The following PTPRD variants were observed in gnomAD, a reference collection of about 807,000 sequenced individuals.
PTPRD encodes protein tyrosine phosphatase receptor type D.
PTPRD carries 34 observed loss-of-function variants against 214.5 expected under a neutral mutation model. That is an observed-to-expected ratio of 0.16 (90% CI 0.12 to 0.21). PTPRD has a LOEUF of 0.21. Ranked by LOEUF, PTPRD falls within the 10% of genes least tolerant of loss-of-function variation. The pLI is 1.00. For missense variants in PTPRD, 2,545 were observed against 2,398.7 expected, an observed-to-expected ratio of 1.06 and a Z score of -1.27; for synonymous variants, 1,128 against 845.7, an observed-to-expected ratio of 1.33 and a Z score of -5.79.
At chr9:9,392,375 G>A (rs954165272) in intron 9 of PTPRD, among the ~76,000 whole-genome samples, 1 of 152,170 alleles carries the variant, frequency 6.6e-6, no homozygotes, top group African/African-American at 2.4e-5. Context: ...AACAGCAGAA[G>A]TCTTAGCTTT....
At chr9:8,872,268 T>G (rs1365686496) in intron 11 of PTPRD, among the ~76,000 whole-genome samples, 1 of 152,172 alleles carries the variant, frequency 6.6e-6, no homozygotes. Context: ...ATTATCTTTG[T>G]GCTAGCAGAG....
At chr9:9,041,659 T>C (rs1472076713) in intron 10 of PTPRD, among the ~76,000 whole-genome samples, 1 of 152,122 alleles carries the variant, frequency 6.6e-6, no homozygotes, top group Non-Finnish European at 1.5e-5. Context: ...AATGAGTAAA[T>C]ACATTCACAA....
intron 2 of PTPRD, among the ~76,000 whole-genome samples, chr9:10,574,868 A>G (rs2068700841): frequency 6.7e-6 from 1 of 149,800 alleles, no homozygotes; most frequent in Admixed American, 6.7e-5. Flanking sequence ...TTTAAAAATA[A>G]TTACCTAAAG....
At chr9:9,405,684 C>T (rs2073012726) in intron 8 of PTPRD, among the ~76,000 whole-genome samples, 1 of 151,986 alleles carries the variant, frequency 6.6e-6, no homozygotes, top group Non-Finnish European at 1.5e-5. Context: ...AAAGCATGCT[C>T]TCTAGAAGAC....
intron 11 of PTPRD, among the ~76,000 whole-genome samples, chr9:8,834,056 T>G (rs1249503818): frequency 6.6e-6 from 1 of 152,072 alleles, no homozygotes; most frequent in African/African-American, 2.4e-5. Context: ...TAATGCCTAG[T>G]CTTTTTCACT....
chr9:10,032,790 C>T (rs529112223), intron 4 of PTPRD, among the ~76,000 whole-genome samples: 1 of 152,066 alleles, frequency 6.6e-6, no homozygotes, highest in East Asian at 1.9e-4. Flanking sequence ...TATTAATTTC[C>T]ATACATGACT....
At chr9:9,384,518 A>T (rs1420945172) in intron 9 of PTPRD, among the ~76,000 whole-genome samples, 4 of 151,276 alleles carry the variant, frequency 2.6e-5, no homozygotes, top group Non-Finnish European at 4.4e-5. Context: ...CTACATTTTT[A>T]TTTAACTTGT....
At chr9:10,061,414 C>T (rs758699576) in intron 3 of PTPRD, among the ~76,000 whole-genome samples, 2 of 152,076 alleles carry the variant, frequency 1.3e-5, no homozygotes, top group African/African-American at 4.8e-5. Context: ...AGCATTTATA[C>T]TGTTCTTCCA....
chr9:10,344,548 T>C (rs905773381), intron 2 of PTPRD, among the ~76,000 whole-genome samples: 11 of 152,176 alleles, frequency 7.2e-5, no homozygotes, highest in Non-Finnish European at 1.3e-4. Flanking sequence ...TTAAAGTAGT[T>C]TTTTTCCAAT....
intron 8 of PTPRD, among the ~76,000 whole-genome samples, chr9:9,487,050 T>C (rs1022347772): frequency 2.0e-5 from 3 of 152,166 alleles, no homozygotes; most frequent in Admixed American, 2.0e-4. Context: ...CAGTCATTAC[T>C]CATTTTCTTT....
chr9:9,322,983 C>A (rs761438299), intron 9 of PTPRD, among the ~76,000 whole-genome samples: 4 of 151,988 alleles, frequency 2.6e-5, no homozygotes, highest in Admixed American at 1.3e-4. Context: ...ATATATAAAC[C>A]TTCCAAGAAA....
intron 11 of PTPRD, among the ~76,000 whole-genome samples, chr9:8,926,919 C>G (rs1025870173): frequency 2.6e-5 from 4 of 152,062 alleles, no homozygotes; most frequent in Non-Finnish European, 5.9e-5. Flanking sequence ...ATCATTTGAG[C>G]CCAGGGAATA....
intron 11 of PTPRD, among the ~76,000 whole-genome samples, chr9:8,827,060 C>T (rs10739173): frequency 0.57 from 86,668 of 151,448 alleles, 25,647 homozygotes; most frequent in African/African-American, 0.73. Context: ...CACACACACA[C>T]ACTACACACA....
intron 8 of PTPRD, among the ~76,000 whole-genome samples, chr9:9,544,100 G>T (rs1349727633): frequency 6.6e-6 from 1 of 151,340 alleles, no homozygotes; most frequent in African/African-American, 2.4e-5. Context: ...AAATAACCTT[G>T]GTTTGAATTA....
At chr9:8,599,243 G>A (rs574007284) in intron 14 of PTPRD, among the ~76,000 whole-genome samples, 2 of 152,246 alleles carry the variant, frequency 1.3e-5, no homozygotes, top group East Asian at 1.9e-4. Flanking sequence ...GGAACTGTGA[G>A]TCAGTTAAAC....
At chr9:9,515,633 G>A (rs1395541983) in intron 8 of PTPRD, among the ~76,000 whole-genome samples, 1 of 151,562 alleles carries the variant, frequency 6.6e-6, no homozygotes, top group Non-Finnish European at 1.5e-5. Flanking sequence ...GGAAAAACAT[G>A]AAGAAATATG....
intron 12 of PTPRD, among the ~76,000 whole-genome samples, chr9:8,720,964 A>C (rs1174881272): frequency 6.6e-6 from 1 of 150,682 alleles, no homozygotes; most frequent in East Asian, 1.9e-4. Flanking sequence ...GGGAATCATG[A>C]GTGTGTGTTT....
intron 9 of PTPRD, among the ~76,000 whole-genome samples, chr9:9,340,130 A>G (rs1786409290): frequency 6.6e-6 from 1 of 152,106 alleles, no homozygotes. Flanking sequence ...GGCACTCTAG[A>G]AACCGCTAAA....
intron 3 of PTPRD, among the ~76,000 whole-genome samples, chr9:10,155,575 G>C (rs144646600): frequency 6.6e-6 from 1 of 152,150 alleles, no homozygotes; most frequent in Non-Finnish European, 1.5e-5. Flanking sequence ...TACAACGTTG[G>C]CTGTGTGTTT....
Sources: gnomAD v4.1 joint callset for allele counts (sites outside exome capture counted in the v4.1 genomes callset) on GRCh38, gnomAD v4.1.1 for gene constraint, MANE v1.5 for transcripts, NCBI Gene and HGNC (gene_info 2026-07-23, HGNC 2026-07-21) for gene names.